Variants in USP40 observed in about 807,000 individuals in gnomAD.
USP40 encodes ubiquitin specific peptidase 40.
A neutral mutation model predicts 166.2 loss-of-function variants in USP40; 143 were observed. The observed-to-expected ratio is 0.86, with a 90% CI of 0.75 to 0.99. The LOEUF (loss-of-function observed/expected upper bound fraction) is 0.99, where lower values mean the gene tolerates loss of function less well. Among genes scored for constraint, USP40 ranks in the 50% least tolerant of loss-of-function variants. USP40 has a pLI of 0.00. For missense variants in USP40, 1,444 were observed against 1,479.7 expected, an observed-to-expected ratio of 0.98 and a Z score of 0.40; for synonymous variants, 498 against 524.0, an observed-to-expected ratio of 0.95 and a Z score of 0.68.
intron 4 of USP40, 130 bp downstream of exon 4, chr2:233,559,681 G>C: frequency 1.9e-6 from 1 of 530,160 alleles, no homozygotes; most frequent in Non-Finnish European, 3.1e-6. Context: ...ATTTTTTAAT[G>C]TGAGAAGGAA....
intron 9 of USP40, 24 bp downstream of exon 9, chr2:233,542,234 CATACATACAA>C (rs1362539207): frequency 1.2e-5 from 15 of 1,279,300 alleles, no homozygotes; most frequent in Non-Finnish European, 1.6e-5. Context: ...CAATACATAC[CATACATACAA>C]ATACATACAC....
Position 233,485,837 on chromosome 2 carries a change from A to G in USP40, c.3338T>C (p.Leu1113Pro), listed in dbSNP as rs1363944881. 1.2e-6 allele frequency: 2 copies of G among 1,611,620 alleles called. No individual in the cohort carries two copies. The highest frequency in any genetic ancestry group is 1.7e-5 in the Admixed American group (1 of 59,584). The part of the protein sequence containing the change: ...LRQRVADFYR[L>P]PVEKIEIAKY... ...GGCAATTTCAATCTTCTCCACGGGA[A>G]GACGATAGAAATCGGCAACTCTCTG... The change falls in exon 29 of 32, where the codon CTT (leucine) becomes CCT (proline). Residue 1113 changes from leucine (L) to proline (P), a missense_variant. By Grantham distance (98) the Leu-to-Pro change is moderately conservative. Coordinates refer to ENST00000678225, the MANE Select transcript of USP40 (RefSeq NM_001365479.2).
intron 5 of USP40, among the ~76,000 whole-genome samples, chr2:233,555,377 A>G (rs1480825512): frequency 1.3e-5 from 2 of 152,246 alleles, no homozygotes; most frequent in East Asian, 3.8e-4. Context: ...TGTGTGCAAC[A>G]GCTTTATTTT....
Position 233,489,387 on chromosome 2 carries a change from G to A in USP40, c.3109C>T (p.Arg1037Ter), listed in dbSNP as rs2065158923. Residue 1037 changes from arginine to a stop codon, truncating the protein, a stop_gained, in exon 27 of 32, where the codon CGA (arginine) becomes TGA (stop). Transcript: ENST00000678225. LOFTEE classifies it high-confidence loss of function. The part of the protein sequence containing the change: ...VERKRPGRLL[R>*]TDRQPLREYK... ...TACCTGAGTGGCTGCCGGTCAGTTC[G>A]TAAAAGCCTGCCTGGGCGCTTCCTC... 4 of 1,596,668 alleles carry A rather than the reference G, an allele frequency of 2.5e-6. No individual in the cohort carries two copies. Among genetic ancestry groups the A allele is most frequent in the Non-Finnish European group, 1.7e-6 (2 of 1,171,844 alleles).
chr2:233,514,884 C>T (rs573516472), intron 18 of USP40, among the ~76,000 whole-genome samples: 1 of 152,336 alleles, frequency 6.6e-6, no homozygotes, highest in South Asian at 2.1e-4. Flanking sequence ...ATCATCCCCC[C>T]TAAAACTCCC....
intron 21 of USP40, among the ~76,000 whole-genome samples, chr2:233,509,265 C>T (rs1265460079): frequency 6.6e-6 from 1 of 152,110 alleles, no homozygotes; most frequent in Non-Finnish European, 1.5e-5. Context: ...TTAAACCACA[C>T]TGATTTTATT....
Position 233,523,324 on chromosome 2 carries a change from T to C in USP40, c.2047A>G (p.Ile683Val). The C allele has an allele frequency of 6.2e-7, 1 of 1,614,026 alleles. No homozygotes were observed. The highest frequency in any genetic ancestry group is 2.2e-5 in the East Asian group (1 of 44,882). The change falls in exon 16 of 32, where the codon ATC (isoleucine) becomes GTC (valine). Residue 683 changes from isoleucine (I) to valine (V), a missense_variant. Physicochemically the swap from Ile to Val is conservative, Grantham distance 29. Transcript: ENST00000678225. ...EVGTVLTALAIPAGVIFINSA... is the reference protein window; with the variant it reads ...EVGTVLTALAVPAGVIFINSA... ...TTGATGAAGATGACACCTGCTGGGA[T>C]TGCTAAGGCTGTGAGGACAGTGCCC...
intron 17 of USP40, among the ~76,000 whole-genome samples, chr2:233,519,934 G>A (rs1331578703): frequency 6.6e-6 from 1 of 152,062 alleles, no homozygotes; most frequent in Non-Finnish European, 1.5e-5. Context: ...AGAAACTGTA[G>A]AAAACTACAG....
chr2:233,494,914 G>T (rs2065579184), intron 24 of USP40, among the ~76,000 whole-genome samples: 3 of 39,392 alleles, frequency 7.6e-5, no homozygotes, highest in South Asian at 1.6e-3. Context: ...AAGCAAAATG[G>T]CATATATATA....
Position 233,493,133 on chromosome 2 carries a change from T to C in USP40, c.2917+292A>G. On this transcript the variant is annotated intron_variant, in intron 25 of 31. Coordinates refer to ENST00000678225, the MANE Select transcript of USP40 (RefSeq NM_001365479.2). The surrounding 1 kb of genome is among the most constrained non-coding windows in gnomAD (Gnocchi z 4.7). The stretch of plus-strand genomic sequence containing the variant: ...TACGTGGTGATAAATGGGGCCCCTG[T>C]TGCCCTGAGGATCTTGAGAGATGAT... The C allele has an allele frequency of 2.2e-6, 1 of 461,554 alleles. No individual in the cohort carries two copies. The allele number at this position is 461,554 out of a possible 1,614,324, so 28.6% of individuals were successfully genotyped here.
chr2:233,550,322 C>A (rs2070436510), intron 7 of USP40, among the ~76,000 whole-genome samples: 1 of 152,064 alleles, frequency 6.6e-6, no homozygotes, highest in Non-Finnish European at 1.5e-5. Flanking sequence ...TCAATTTCTT[C>A]AATTATTTCA....
chr2:233,484,861 T>C (rs1423209486), intron 30 of USP40, among the ~76,000 whole-genome samples: 1 of 152,238 alleles, frequency 6.6e-6, no homozygotes, highest in Non-Finnish European at 1.5e-5. Context: ...TTATTTACTT[T>C]TCTTTTGGCA....
chr2:233,487,088 C>A (rs1256444612), intron 28 of USP40, among the ~76,000 whole-genome samples: 2 of 152,236 alleles, frequency 1.3e-5, no homozygotes, highest in Non-Finnish European at 2.9e-5. Flanking sequence ...AAACCTGACA[C>A]AGCTTACAAC....
chr2:233,492,910 T>G (rs2065439880), intron 25 of USP40: 1 of 158,154 alleles, frequency 6.3e-6, no homozygotes, highest in African/African-American at 2.4e-5. Flanking sequence ...TGCGGCTGAG[T>G]GCTGAGTAAG....
At chr2:233,549,421 C>T (rs1310560589) in intron 7 of USP40, among the ~76,000 whole-genome samples, 192 bp from the exon 8 acceptor site, 1 of 152,008 alleles carries the variant, frequency 6.6e-6, no homozygotes, top group Non-Finnish European at 1.5e-5. Flanking sequence ...GCCAGTCACA[C>T]TACACCAATC....
intron 11 of USP40, among the ~76,000 whole-genome samples, chr2:233,531,614 C>T (rs1319060490): frequency 1.3e-5 from 2 of 151,786 alleles, no homozygotes; most frequent in Admixed American, 6.6e-5. Flanking sequence ...TCTTTTTTTC[C>T]TCCCAGAAAA....
At chr2:233,561,025 A>T in intron 3 of USP40, 1 of 1,118,916 alleles carries the variant, frequency 8.9e-7, no homozygotes, top group Non-Finnish European at 1.3e-6. Context: ...GTATAGGCCA[A>T]GTCACTTTCT....
intron 30 of USP40, among the ~76,000 whole-genome samples, chr2:233,483,235 A>AGCC (rs2064739966): frequency 6.6e-6 from 1 of 152,168 alleles, no homozygotes; most frequent in South Asian, 2.1e-4. Flanking sequence ...CACGCCTGTA[A>AGCC]TCCCAGCTCT....
intron 10 of USP40, among the ~76,000 whole-genome samples, chr2:233,536,669 G>T (rs1428909296): frequency 1.3e-5 from 2 of 151,852 alleles, no homozygotes; most frequent in African/African-American, 2.4e-5. Flanking sequence ...CAAAACAAAA[G>T]CCCCCAGAAC....
Sources: allele counts gnomAD v4.1 joint callset (sites outside exome capture counted in the v4.1 genomes callset), GRCh38; gene constraint gnomAD v4.1.1; non-coding constraint Gnocchi (gnomAD v3.1); transcripts MANE v1.5; gene names NCBI Gene and HGNC (gene_info 2026-07-23, HGNC 2026-07-21).